The following EYA3 variants were observed in gnomAD, a reference collection of about 807,000 sequenced individuals.
EYA3 encodes the protein protein phosphatase EYA3.
EYA3 carries 39 observed loss-of-function variants against 80.0 expected under a neutral mutation model. The observed-to-expected ratio is 0.49, with a 90% CI of 0.38 to 0.64. The LOEUF (loss-of-function observed/expected upper bound fraction) is 0.64, where lower values mean the gene tolerates loss of function less well. Ranked by LOEUF, EYA3 falls within the 30% of genes least tolerant of loss-of-function variation. The probability of loss-of-function intolerance (pLI) is 0.00; values close to 1 mark genes in which losing one functional copy is unlikely to be tolerated. For missense variants in EYA3, 523 were observed against 676.1 expected, an observed-to-expected ratio of 0.77 and a Z score of 2.51; for synonymous variants, 206 against 232.8, an observed-to-expected ratio of 0.88 and a Z score of 1.05.
At chr1:28,042,357 C>G (rs960223284) in intron 4 of EYA3, among the ~76,000 whole-genome samples, 3 of 152,126 alleles carry the variant, frequency 2.0e-5, no homozygotes, top group African/African-American at 4.8e-5. Flanking sequence ...CGTGTGACTC[C>G]TTGGGTGAGT....
rs1243917603 is a variant in EYA3 at position 27,974,303 on chromosome 1, A to AAGGG, written c.*159_*162dup. ...AGAGGCAGAGAGGGAGGGAGAGAGG[A>AAGGG]AGGGAGGGAGGGAGAGAGGGAGAGA... On this transcript the variant is annotated 3_prime_UTR_variant, in exon 18 of 18. Transcript: ENST00000373871. The AAGGG allele has an allele frequency of 6.7e-6, 3 of 449,434 alleles. No homozygotes were observed. The highest frequency in any genetic ancestry group is 2.0e-5 in the African/African-American group (1 of 48,950). 27.8% of individuals were successfully genotyped at this position (449,434 alleles called of 1,614,324 possible).
At chr1:28,001,951 T>G (rs1244154235) in intron 11 of EYA3, among the ~76,000 whole-genome samples, 1 of 151,476 alleles carries the variant, frequency 6.6e-6, no homozygotes, top group African/African-American at 2.4e-5. Flanking sequence ...ATTTCGCTCT[T>G]GTTGCCCAGG....
chr1:27,984,311 G>T (rs769519464), intron 16 of EYA3, among the ~76,000 whole-genome samples: 1 of 152,140 alleles, frequency 6.6e-6, no homozygotes, highest in Non-Finnish European at 1.5e-5. Flanking sequence ...TGGAATTAAA[G>T]GCATGTGCCC....
chr1:28,034,864 GA>G (rs1173802628), intron 6 of EYA3, among the ~76,000 whole-genome samples: 8 of 151,980 alleles, frequency 5.3e-5, no homozygotes, highest in Non-Finnish European at 1.2e-4. Context: ...CCCATTTCAG[GA>G]AAGCAGGGAA....
chr1:28,013,995 G>A lies in EYA3; in HGVS notation c.586-701C>T, dbSNP rs941756375. 3.3e-5 allele frequency among the ~76,000 whole-genome samples: 5 copies of A among 152,118 alleles called. No homozygotes were observed. The highest frequency in any genetic ancestry group is 7.2e-5 in the African/African-American group (3 of 41,430). ...CAAGAATCGCTTGAACCTGGAAAGC[G>A]GAGGTTGCAGTGAGCCGAGATTGCA... On this transcript the variant is annotated intron_variant, in intron 8 of 17. Transcript: ENST00000373871. This position sits in a 1 kb window ranked among gnomAD's most constrained non-coding sequence, Gnocchi z 4.0.
At position 27,999,467 on chromosome 1, in the gene EYA3, G is replaced by A. The variant is rs72656577; in HGVS notation, c.1083+493C>T. ...CTATAAAATTATTCTGAATATCAAG[G>A]TTAACCTACATATGAACAACAAATA... On this transcript the variant is annotated intron_variant, in intron 12 of 17. Transcript: ENST00000373871. Among the ~76,000 whole-genome samples, 372 of 152,174 alleles carry A rather than the reference G, an allele frequency of 2.4e-3. 2 individuals are homozygous for A. Among genetic ancestry groups the A allele is most frequent in the Non-Finnish European group, 4.4e-3 (302 of 68,022 alleles).
At chr1:28,038,785 G>A (rs1643609353) in intron 5 of EYA3, 54 bp downstream of exon 5, 2 of 977,996 alleles carry the variant, frequency 2.0e-6, no homozygotes, top group East Asian at 2.5e-5. Flanking sequence ...ATTAAATTTT[G>A]CAATGAATCT....
intron 2 of EYA3, among the ~76,000 whole-genome samples, chr1:28,048,939 TC>T (rs1644136821): frequency 6.6e-6 from 1 of 152,178 alleles, no homozygotes; most frequent in South Asian, 2.1e-4. Context: ...TCTATTTCCT[TC>T]TGGGGAGAAG....
At chr1:28,063,302 T>C (rs1012615185) in intron 1 of EYA3, among the ~76,000 whole-genome samples, 9 of 141,132 alleles carry the variant, frequency 6.4e-5, no homozygotes, top group Non-Finnish European at 1.0e-4. Flanking sequence ...TATATATATA[T>C]ATATTTTTTT....
intron 1 of EYA3, among the ~76,000 whole-genome samples, chr1:28,062,481 G>T (rs1201199126): frequency 1.3e-5 from 2 of 152,084 alleles, no homozygotes; most frequent in Admixed American, 6.5e-5. Context: ...GAAATAATTA[G>T]TAACAAATAT....
chr1:28,050,997 A>G (rs1389748676), intron 2 of EYA3, among the ~76,000 whole-genome samples: 1 of 152,242 alleles, frequency 6.6e-6, no homozygotes, highest in Non-Finnish European at 1.5e-5. Flanking sequence ...AAAGTGAGCA[A>G]AGATTCAAGT....
intron 13 of EYA3, among the ~76,000 whole-genome samples, chr1:27,995,114 C>G (rs1019296307): frequency 3.3e-5 from 5 of 151,456 alleles, no homozygotes; most frequent in East Asian, 1.9e-4. Context: ...ATTTAAAATC[C>G]TTTAAGTAGG....
chr1:28,064,399 T>C (rs888624252), intron 1 of EYA3, among the ~76,000 whole-genome samples: 2 of 145,628 alleles, frequency 1.4e-5, no homozygotes, highest in African/African-American at 5.1e-5. Context: ...TATATAAATA[T>C]ATAGAGCCTG....
chr1:27,991,427 T>C (rs1640054890), intron 14 of EYA3, among the ~76,000 whole-genome samples: 1 of 152,162 alleles, frequency 6.6e-6, no homozygotes, highest in African/African-American at 2.4e-5. Context: ...ACTAGATATC[T>C]AAGCACAAAA....
At chr1:28,050,468 C>T (rs971356782) in intron 2 of EYA3, among the ~76,000 whole-genome samples, 1 of 152,158 alleles carries the variant, frequency 6.6e-6, no homozygotes, top group East Asian at 1.9e-4. Context: ...TCCCAAAGTG[C>T]TGGGATTACA....
chr1:28,040,862 G>C (rs1003664348), intron 4 of EYA3, among the ~76,000 whole-genome samples: 14 of 151,536 alleles, frequency 9.2e-5, no homozygotes, highest in South Asian at 4.2e-4. Context: ...GGCAGGGGGG[G>C]GTCGGGGGAG....
At chr1:28,086,710 A>AGT (rs1645669016) in intron 1 of EYA3, among the ~76,000 whole-genome samples, 4 of 152,224 alleles carry the variant, frequency 2.6e-5, no homozygotes, top group Admixed American at 2.6e-4. Context: ...AAGCAGCTGG[A>AGT]GTAAGCCATA....
intron 11 of EYA3, among the ~76,000 whole-genome samples, chr1:28,000,598 C>T (rs1257251589): frequency 6.6e-6 from 1 of 151,968 alleles, no homozygotes; most frequent in African/African-American, 2.4e-5. Flanking sequence ...AGGTGTGAGC[C>T]ACCGCACCTG....
chr1:28,036,113 C>A (rs573234456), intron 5 of EYA3, among the ~76,000 whole-genome samples: 2 of 152,322 alleles, frequency 1.3e-5, no homozygotes, highest in East Asian at 3.9e-4. Context: ...CTGCGCCCGG[C>A]CTAAAATGGC....
Sources: gnomAD v4.1 joint callset for allele counts (sites outside exome capture counted in the v4.1 genomes callset) on GRCh38, gnomAD v4.1.1 for gene constraint, Gnocchi (gnomAD v3.1) non-coding constraint, MANE v1.5 for transcripts, NCBI Gene and HGNC (gene_info 2026-07-23, HGNC 2026-07-21) for gene names.